Variants in PRLR observed in about 807,000 individuals in gnomAD.
PRLR encodes the protein prolactin receptor, also known as hPRL receptor.
A neutral mutation model predicts 40.2 loss-of-function variants in PRLR; 13 were observed. The observed-to-expected ratio is 0.32, with a 90% confidence interval of 0.21 to 0.51. PRLR has a LOEUF of 0.51. Ranked by LOEUF, PRLR falls within the 20% of genes least tolerant of loss-of-function variation. The probability of loss-of-function intolerance (pLI) is 0.97; values close to 1 mark genes in which losing one functional copy is unlikely to be tolerated. For synonymous variants in PRLR, 269 were observed against 278.7 expected (o/e 0.97, Z 0.35); for missense variants, 656 against 747.3 (o/e 0.88, Z 1.42).
chr5:35,183,811 G>T lies in PRLR; in HGVS notation c.-106+46457C>A, dbSNP rs7731864. Among the ~76,000 whole-genome samples the T allele has an allele frequency of 8.9e-3, 1,359 of 152,322 alleles. 23 individuals carry two copies. The highest frequency in any genetic ancestry group is 0.03 in the African/African-American group (1,247 of 41,554). The stretch of plus-strand genomic sequence containing the variant: ...CTGAGTGGAGTGTTGAAACCTCAGG[G>T]TTATAGACTGGTGTATCTGTGAGAA... On this transcript the variant is annotated intron_variant, in intron 1 of 9. Coordinates refer to ENST00000618457, the MANE Select transcript of PRLR (RefSeq NM_000949.7).
At chr5:35,164,645 C>T (rs1182576535) in intron 1 of PRLR, among the ~76,000 whole-genome samples, 1 of 152,064 alleles carries the variant, frequency 6.6e-6, no homozygotes, top group Non-Finnish European at 1.5e-5. Flanking sequence ...CTTCTAAGTA[C>T]ACTGAAAAGC....
intron 8 of PRLR, 75 bp downstream of exon 8, chr5:35,068,704 A>G (rs909605152): frequency 3.0e-5 from 35 of 1,153,082 alleles, no homozygotes; most frequent in Non-Finnish European, 4.4e-5. Context: ...GGTTTCCATC[A>G]TCTTTGTATT....
At chr5:35,106,086 A>G (rs1772228893) in intron 2 of PRLR, among the ~76,000 whole-genome samples, 1 of 152,210 alleles carries the variant, frequency 6.6e-6, no homozygotes, top group Non-Finnish European at 1.5e-5. Context: ...ATTCTTAAAG[A>G]AAAGAATTTT....
At chr5:35,199,067 G>T (rs764798741) in intron 1 of PRLR, among the ~76,000 whole-genome samples, 7 of 152,170 alleles carry the variant, frequency 4.6e-5, no homozygotes, top group Non-Finnish European at 8.8e-5. Flanking sequence ...CTCTTGCAGG[G>T]CTTCTCCTCC....
In PRLR at chr5:35,086,190, G is replaced by C. The variant is rs747881522; in HGVS notation, c.203+18C>G. Reference sequence around the variant, plus strand: ...AGTACTCATGTGGGGTTTCATAGGAGAGAAGGGAACTTCTTACCCTTCCCT... The same window carrying C: ...AGTACTCATGTGGGGTTTCATAGGACAGAAGGGAACTTCTTACCCTTCCCT... On this transcript the variant is annotated intron_variant, in intron 4 of 9. Transcript: ENST00000618457. 13 of 1,613,458 alleles carry C rather than the reference G, an allele frequency of 8.1e-6. No individual in the cohort carries two copies. The highest frequency in any genetic ancestry group is 4.5e-5 in the East Asian group (2 of 44,878).
Position 35,065,497 on chromosome 5 carries a change from G to A in PRLR, c.1461C>T (p.Asp487=), listed in dbSNP as rs1769304128. 2 of 1,614,108 alleles carry A rather than the reference G, an allele frequency of 1.2e-6. No individual in the cohort carries two copies. Among genetic ancestry groups the A allele is most frequent in the Non-Finnish European group, 1.7e-6 (2 of 1,180,040 alleles). Residue 487 remains aspartate, a synonymous_variant, in exon 10 of 10, where the codon GAC becomes GAT. Coordinates refer to ENST00000618457, the MANE Select transcript of PRLR (RefSeq NM_000949.7). ...REVESFHSET[D]QDTPWLLPQE... ...GGGGCAGCAGCCAGGGCGTATCCTGGTCAGTCTCAGAATGGAAGCTTTCTA... is the reference window on the plus strand; with the variant it reads ...GGGGCAGCAGCCAGGGCGTATCCTGATCAGTCTCAGAATGGAAGCTTTCTA...
intron 1 of PRLR, among the ~76,000 whole-genome samples, chr5:35,183,230 T>G (rs1362506931): frequency 6.6e-6 from 1 of 152,210 alleles, no homozygotes; most frequent in African/African-American, 2.4e-5. Flanking sequence ...GTTTTGTCAT[T>G]TGGAGTAAGG....
chr5:35,072,540 C>CCATA (rs1479682694), intron 6 of PRLR, 35 bp downstream of exon 6: 1 of 1,596,968 alleles, frequency 6.3e-7, no homozygotes, highest in South Asian at 1.1e-5. Flanking sequence ...TTGCCAAAGG[C>CCATA]CATAGTTCCT....
intron 1 of PRLR, among the ~76,000 whole-genome samples, chr5:35,137,694 A>G (rs1277577922): frequency 1.3e-5 from 2 of 152,248 alleles, no homozygotes; most frequent in Non-Finnish European, 2.9e-5. Context: ...AAGAAAAGAG[A>G]TATGGAAATG....
At chr5:35,129,374 G>T (rs949020486) in intron 1 of PRLR, among the ~76,000 whole-genome samples, 1 of 152,158 alleles carries the variant, frequency 6.6e-6, no homozygotes, top group African/African-American at 2.4e-5. Flanking sequence ...AATATTGAGG[G>T]AGTCTTGTTC....
At chr5:35,104,426 G>C (rs562289561) in intron 2 of PRLR, among the ~76,000 whole-genome samples, 2 of 152,112 alleles carry the variant, frequency 1.3e-5, no homozygotes, top group East Asian at 1.9e-4. Context: ...GGGGTGCATC[G>C]CCTCACCCGG....
chr5:35,148,712 C>T (rs766987142), intron 1 of PRLR, among the ~76,000 whole-genome samples: 4 of 152,142 alleles, frequency 2.6e-5, no homozygotes, highest in African/African-American at 4.8e-5. Context: ...CTCTTAGAAA[C>T]GAAAGGATCT....
At chr5:35,199,358 C>G (rs1195216149) in intron 1 of PRLR, among the ~76,000 whole-genome samples, 2 of 152,160 alleles carry the variant, frequency 1.3e-5, no homozygotes, top group African/African-American at 4.8e-5. Context: ...GACCATACAT[C>G]TGATCGAAAA....
rs1769831344 is a variant in PRLR at position 35,072,713 on chromosome 5, C to T, written c.405G>A (p.Val135=). The T allele has an allele frequency of 6.2e-7, 1 of 1,614,022 alleles. No homozygotes were observed. The highest frequency in any genetic ancestry group is 1.3e-5 in the African/African-American group (1 of 74,920). ...TTCTGTCTTCTGGCTGTTTTACTTC[C>T]ACAGCCAGCTCCAAAGGAGGGTCTG... The part of the protein sequence containing the change: ...VQPDPPLELA[V]EVKQPEDRKP... The change falls in exon 6 of 10, where the codon GTG becomes GTA. Residue 135 remains valine (V), a synonymous_variant. Coordinates refer to ENST00000618457, the MANE Select transcript of PRLR (RefSeq NM_000949.7).
intron 1 of PRLR, among the ~76,000 whole-genome samples, chr5:35,205,623 C>A (rs1317143868): frequency 5.3e-5 from 8 of 152,112 alleles, no homozygotes; most frequent in African/African-American, 1.2e-4. Context: ...CTGGAACACA[C>A]ATCTAGCAAG....
At chr5:35,112,005 T>C (rs997856583) in intron 2 of PRLR, among the ~76,000 whole-genome samples, 10 of 152,166 alleles carry the variant, frequency 6.6e-5, no homozygotes, top group Admixed American at 6.5e-4. Context: ...GTGGTGCAAA[T>C]ACATGGAAAA....
Position 35,167,595 on chromosome 5 carries a change from T to C in PRLR, c.-105-49473A>G, listed in dbSNP as rs150461344. On this transcript the variant is annotated intron_variant, in intron 1 of 9. Transcript: ENST00000618457. Reference sequence around the variant, plus strand: ...GAAAACAGTAAATATAGGGTACATTTTTTAAACTGACTATTTAAAACAACA... The same window carrying C: ...GAAAACAGTAAATATAGGGTACATTCTTTAAACTGACTATTTAAAACAACA... 3.2e-3 allele frequency among the ~76,000 whole-genome samples: 481 copies of C among 152,210 alleles called. 6 individuals are homozygous for C. The highest frequency in any genetic ancestry group is 0.011 in the African/African-American group (468 of 41,580).
At chr5:35,226,687 G>T (rs773834454) in intron 1 of PRLR, among the ~76,000 whole-genome samples, 1 of 152,226 alleles carries the variant, frequency 6.6e-6, no homozygotes, top group Non-Finnish European at 1.5e-5. Flanking sequence ...TTGTATGGCA[G>T]TCTTCTCTGA....
intron 2 of PRLR, among the ~76,000 whole-genome samples, chr5:35,090,783 A>C (rs1400435568): frequency 7.1e-6 from 1 of 140,812 alleles, no homozygotes; most frequent in Non-Finnish European, 1.5e-5. Flanking sequence ...AGGTACCATC[A>C]ATTAGCTCTT....
Sources: allele counts gnomAD v4.1 joint callset (sites outside exome capture counted in the v4.1 genomes callset), GRCh38; gene constraint gnomAD v4.1.1; transcripts MANE v1.5; gene names NCBI Gene and HGNC (gene_info 2026-07-23, HGNC 2026-07-21).